ARL13A: variants seen among roughly 807,000 people sequenced by gnomAD.
ARL13A encodes ARF like GTPase 13A, also known as ADP-ribosylation factor-like protein 13A.
Under a neutral mutation model 19.1 loss-of-function variants are expected in ARL13A, and 16 were observed. The ratio of observed to expected loss-of-function variants is 0.84; its 90% CI spans 0.57 to 1.27. The LOEUF (loss-of-function observed/expected upper bound fraction) is 1.27, where lower values mean the gene tolerates loss of function less well. Among genes scored for constraint, ARL13A ranks in the 50% most tolerant of loss-of-function variants. The probability of loss-of-function intolerance (pLI) is 0.00; values close to 1 mark genes in which losing one functional copy is unlikely to be tolerated. For synonymous variants in ARL13A, 69 were observed against 71.3 expected (o/e 0.97, Z 0.17); for missense variants, 153 against 186.4 (o/e 0.82, Z 1.04).
intron 3 of ARL13A, among the ~76,000 whole-genome samples, chrX:100,982,364 G>T (rs2085870674): frequency 9.1e-6 from 1 of 110,411 alleles, no homozygotes; most frequent in South Asian, 3.8e-4. Context: ...TGGTGGTGGG[G>T]GCCTGTAATC....
chrX:100,979,078 G>T (rs2085813255), intron 3 of ARL13A, among the ~76,000 whole-genome samples: 1 of 111,449 alleles, frequency 9.0e-6, no homozygotes, highest in Non-Finnish European at 1.9e-5. Flanking sequence ...TTATTATACT[G>T]TCTTGAAAAG....
At chrX:100,974,374 C>T (rs774030000) in intron 3 of ARL13A, among the ~76,000 whole-genome samples, 177 bp downstream of exon 3, 1 of 109,881 alleles carries the variant, frequency 9.1e-6, no homozygotes, top group Admixed American at 9.7e-5. Context: ...CTGTCTCTCT[C>T]TCTCTCTCTC....
Position 100,988,323 on chromosome X carries a change from C to T in ARL13A, c.744+40C>T, listed in dbSNP as rs146931543. 3.2e-4 allele frequency: 380 copies of T among 1,196,668 alleles called. 1 individual carries two copies. The African/African-American group carries it at 6.2e-3, about 20-fold the overall frequency. ...AAATGTTAATATTCAGTGACCAATC[C>T]CTGAACACGTGGGCACCAACTAACT... On this transcript the variant is annotated intron_variant, in intron 7 of 7. Transcript: ENST00000450049.
intron 3 of ARL13A, among the ~76,000 whole-genome samples, chrX:100,981,850 A>G (rs2085861565): frequency 9.4e-6 from 1 of 106,200 alleles, no homozygotes; most frequent in Admixed American, 1.1e-4. Context: ...AGGTACTGTG[A>G]TCGCTCACCT....
At chrX:100,976,950 G>A (rs772017249) in intron 3 of ARL13A, among the ~76,000 whole-genome samples, 14 of 112,608 alleles carry the variant, frequency 1.2e-4, no homozygotes, top group Non-Finnish European at 2.1e-4. Flanking sequence ...GGAAATGCCC[G>A]TCTGTAAGTA....
At position 100,987,407 on chromosome X, in the gene ARL13A, C is replaced by G. The variant is rs1227917248; in HGVS notation, c.504C>G (p.Ile168Met). ...CPCRVEPCSAIRNLERRNHQP... is the reference protein window; with the variant it reads ...CPCRVEPCSAMRNLERRNHQP... Reference sequence around the variant, plus strand: ...TGTCACAGGAGCCATGTTCAGCCATCAGAAACCTTGAAAGAAGAAACCATC... The same window carrying G: ...TGTCACAGGAGCCATGTTCAGCCATGAGAAACCTTGAAAGAAGAAACCATC... Residue 168 changes from isoleucine (I) to methionine (M), a missense_variant, in exon 6 of 8, where the codon ATC (isoleucine) becomes ATG (methionine). Coordinates refer to ENST00000450049, the MANE Select transcript of ARL13A (RefSeq NM_001162491.2). 2 of 1,210,705 alleles carry G rather than the reference C, an allele frequency of 1.7e-6. No individual in the cohort carries two copies. The highest frequency in any genetic ancestry group is 2.2e-6 in the Non-Finnish European group (2 of 895,319).
intron 6 of ARL13A, 140 bp downstream of exon 6, chrX:100,987,696 C>T: frequency 1.6e-6 from 1 of 643,743 alleles, no homozygotes; most frequent in African/African-American, 2.2e-5. Context: ...TCAAATGGGG[C>T]TAGGGCAGTG....
chrX:100,973,609 C>A, intron 1 of ARL13A, 67 bp from the exon 2 acceptor site: 1 of 1,050,061 alleles, frequency 9.5e-7, no homozygotes, highest in Non-Finnish European at 1.3e-6. Flanking sequence ...TAGTCATAAG[C>A]TGACTAAAGG....
chrX:100,975,560 A>G (rs776866726), intron 3 of ARL13A, among the ~76,000 whole-genome samples: 1 of 110,801 alleles, frequency 9.0e-6, no homozygotes, highest in African/African-American at 3.3e-5. Context: ...GGTATTCAAT[A>G]AATATTCATG....
intron 3 of ARL13A, among the ~76,000 whole-genome samples, chrX:100,976,454 T>C (rs997077157): frequency 9.0e-6 from 1 of 111,461 alleles, no homozygotes; most frequent in Non-Finnish European, 1.9e-5. Flanking sequence ...CATTCACAGA[T>C]AATTTTTTTA....
chrX:100,983,703 A>G (rs1302734416), intron 3 of ARL13A, among the ~76,000 whole-genome samples: 1 of 111,890 alleles, frequency 8.9e-6, no homozygotes, highest in African/African-American at 3.3e-5. Flanking sequence ...CAAATATCAC[A>G]TCAAAGTTTT....
intron 3 of ARL13A, among the ~76,000 whole-genome samples, chrX:100,981,703 G>C (rs2085858699): frequency 9.2e-6 from 1 of 108,354 alleles, no homozygotes; most frequent in South Asian, 4.4e-4. Context: ...CATTTACTCA[G>C]GAGGCTAAGG....
At chrX:100,974,515 G>A (rs1300020419) in intron 3 of ARL13A, among the ~76,000 whole-genome samples, 1 of 110,962 alleles carries the variant, frequency 9.0e-6, no homozygotes, top group Non-Finnish European at 1.9e-5. Context: ...TTCAAACTAC[G>A]TAAAGCATTG....
chrX:100,977,450 G>A (rs1255345286), intron 3 of ARL13A, among the ~76,000 whole-genome samples: 1 of 96,748 alleles, frequency 1.0e-5, no homozygotes, highest in Non-Finnish European at 2.0e-5. Flanking sequence ...GCACGATCTC[G>A]GCTCACTGCA....
intron 3 of ARL13A, among the ~76,000 whole-genome samples, chrX:100,985,420 C>T (rs1048974513): frequency 8.9e-6 from 1 of 111,752 alleles, no homozygotes; most frequent in African/African-American, 3.3e-5. Flanking sequence ...AGATAGCCCC[C>T]AAGTATGGGC....
Position 100,985,804 on chromosome X carries a change from C to T in ARL13A, c.268C>T (p.His90Tyr). 8.3e-7 allele frequency: 1 copy of T among 1,211,640 alleles called. No homozygotes were observed. Among genetic ancestry groups the T allele is most frequent in the Non-Finnish European group, 1.1e-6 (1 of 895,425 alleles). ...EAWPNYYAQAHGLVFVLDSSD... is the reference protein window; with the variant it reads ...EAWPNYYAQAYGLVFVLDSSD... ...ATGGCCAAACTACTATGCACAGGCC[C>T]ATGGGCTTGTTTTCGTCCTGGATTC... Residue 90 changes from histidine (H) to tyrosine (Y), a missense_variant, in exon 4 of 8, where the codon CAT becomes TAT. His to Tyr is a moderately conservative substitution (Grantham distance 83, BLOSUM62 2). Coordinates refer to ENST00000450049, the MANE Select transcript of ARL13A (RefSeq NM_001162491.2).
intron 3 of ARL13A, among the ~76,000 whole-genome samples, chrX:100,979,070 A>C (rs1249080033): frequency 4.5e-5 from 5 of 111,498 alleles, no homozygotes; most frequent in South Asian, 3.7e-4. Flanking sequence ...TTTATATCTT[A>C]TTATACTGTC....
In ARL13A at chrX:100,985,887, TAA is replaced by T; in HGVS notation, c.354_355del (p.Arg119SerfsTer23). The T allele has an allele frequency of 1.7e-6, 2 of 1,208,388 alleles. No individual in the cohort carries two copies. Among genetic ancestry groups the T allele is most frequent in the Non-Finnish European group, 2.2e-6 (2 of 893,891 alleles). On this transcript the variant is annotated frameshift_variant, in exon 4 of 8. Transcript: ENST00000450049. LOFTEE classifies it high-confidence loss of function. Reference protein sequence around the residue: ...KIILTHLLSDKRVAGKPILIL... With the variant: ...KIILTHLLSDXRVAGKPILIL... ...TCATCTTAACACATCTGCTGTCCGA[TAA>T]AAGAGTGGCAGGGAAACCCATCTTA...
intron 3 of ARL13A, among the ~76,000 whole-genome samples, chrX:100,981,522 G>A (rs1231408787): frequency 9.1e-6 from 1 of 109,661 alleles, no homozygotes; most frequent in African/African-American, 3.3e-5. Flanking sequence ...TTATAACCAA[G>A]GTGGGGTGCG....
Sources: allele counts gnomAD v4.1 joint callset (sites outside exome capture counted in the v4.1 genomes callset), GRCh38; gene constraint gnomAD v4.1.1; transcripts MANE v1.5; gene names NCBI Gene and HGNC (gene_info 2026-07-23, HGNC 2026-07-21).